The following PRXL2C variants were observed in gnomAD, a reference collection of about 807,000 sequenced individuals.
The protein encoded by PRXL2C is peroxiredoxin-like 2C.
A neutral mutation model predicts 24.9 loss-of-function variants in PRXL2C; 38 were observed. The ratio of observed to expected loss-of-function variants is 1.53; its 90% CI spans 1.18 to 2.00. The LOEUF (loss-of-function observed/expected upper bound fraction) is 2.00. Ranked by LOEUF, PRXL2C falls within the 30% of genes most tolerant of loss-of-function variation. The pLI is 0.00. For synonymous variants in PRXL2C, 98 were observed against 117.2 expected (o/e 0.84, Z 1.06); for missense variants, 294 against 290.9 (o/e 1.01, Z -0.08).
chr9:96,647,286 T>C lies in PRXL2C; in HGVS notation c.422-1262A>G, dbSNP rs1053023896. Among the ~76,000 whole-genome samples, 3 of 152,182 alleles carry C rather than the reference T, an allele frequency of 2.0e-5. No individual in the cohort carries two copies. The South Asian group carries it at 6.2e-4, about 32-fold the overall frequency. ...GAGCAAAGAGACTCAGTCTCTTTAT[T>C]CTTCTTGTAATTAATTTTTCTCCTA... On this transcript the variant is annotated intron_variant, in intron 4 of 5. Coordinates refer to ENST00000375234, the MANE Select transcript of PRXL2C (RefSeq NM_153698.2).
intron 1 of PRXL2C, 55 bp from the exon 2 acceptor site, chr9:96,654,828 C>T: frequency 6.6e-7 from 1 of 1,504,676 alleles, no homozygotes; most frequent in Non-Finnish European, 9.0e-7. Flanking sequence ...CCTCGGGCCC[C>T]GAAGGATCCC....
chr9:96,655,249 A>G lies in PRXL2C; in HGVS notation c.33T>C (p.Val11=). Residue 11 remains valine, a synonymous_variant, in exon 1 of 6, where the codon GTT becomes GTC. Transcript: ENST00000375234. ...CCGGGACCAGGGCGGCGGCGCCGCT[A>G]ACCTGCCGCGTGACCGGGGCCGGCG... MAAPAPVTRQ[V]SGAAALVPAP... 1 of 1,116,792 alleles carries G rather than the reference A, an allele frequency of 9.0e-7. No individual in the cohort carries two copies. Among genetic ancestry groups the G allele is most frequent in the Non-Finnish European group, 1.1e-6 (1 of 915,606 alleles). 69.2% of individuals were successfully genotyped at this position (1,116,792 alleles called of 1,614,324 possible). A position where few individuals can be genotyped will look rare whatever the true frequency, so the allele number is the denominator to read the frequency against.
At chr9:96,652,535 AAAAG>A (rs1476656384) in intron 2 of PRXL2C, among the ~76,000 whole-genome samples, 56 of 152,136 alleles carry the variant, frequency 3.7e-4, no homozygotes, top group Admixed American at 1.2e-3. Flanking sequence ...AAAAAAAAAA[AAAAG>A]AAATAGCCAA....
chr9:96,653,273 T>A (rs1225909291), intron 2 of PRXL2C, among the ~76,000 whole-genome samples: 2 of 150,914 alleles, frequency 1.3e-5, no homozygotes, highest in African/African-American at 2.4e-5. Context: ...CATTTGGTCA[T>A]AAAAAAGAAA....
intron 2 of PRXL2C, 91 bp downstream of exon 2, chr9:96,654,614 T>G: frequency 8.3e-7 from 1 of 1,203,766 alleles, no homozygotes; most frequent in Non-Finnish European, 1.2e-6. Flanking sequence ...CAATCCAGGC[T>G]GCAAGTTCCG....
intron 2 of PRXL2C, among the ~76,000 whole-genome samples, chr9:96,652,954 G>A (rs1005923716): frequency 2.0e-4 from 31 of 152,052 alleles, no homozygotes; most frequent in Non-Finnish European, 1.9e-4. Flanking sequence ...TCGGCCGGGC[G>A]CGGTGGCTCA....
At chr9:96,650,098 A>G (rs73542995) in intron 4 of PRXL2C, among the ~76,000 whole-genome samples, 138 of 152,232 alleles carry the variant, frequency 9.1e-4, no homozygotes, top group African/African-American at 3.2e-3. Flanking sequence ...GCCCTCCCAG[A>G]TCCTACCCCA....
intron 5 of PRXL2C, 101 bp from the exon 6 acceptor site, chr9:96,641,987 GGGAAA>G: frequency 1.9e-6 from 2 of 1,045,076 alleles, no homozygotes; most frequent in Non-Finnish European, 2.6e-6. Flanking sequence ...TTAGTCCAAA[GGGAAA>G]AATTAATTAC....
rs374304392 is a variant in PRXL2C at position 96,645,729 on chromosome 9, A to G, written c.553+164T>C. On this transcript the variant is annotated intron_variant, in intron 5 of 5. Coordinates refer to ENST00000375234, the MANE Select transcript of PRXL2C (RefSeq NM_153698.2). ...GGAGAATGGCGTGAACCCGGGAGGC[A>G]GAGCTTGCAGTGAGCCGAGATTGCG... is the stretch of plus-strand genomic sequence containing the variant. Among the ~76,000 whole-genome samples, 411 of 151,572 alleles carry G rather than the reference A, an allele frequency of 2.7e-3. 4 individuals carry two copies. Among genetic ancestry groups the G allele is most frequent in the African/African-American group, 8.4e-3 (349 of 41,340 alleles).
chr9:96,649,293 G>A (rs1013933342), intron 4 of PRXL2C, among the ~76,000 whole-genome samples: 3 of 150,962 alleles, frequency 2.0e-5, no homozygotes, highest in East Asian at 3.9e-4. Context: ...AGCCGGGTGC[G>A]GTGGCTCATG....
chr9:96,645,218 T>G (rs1233434896), intron 5 of PRXL2C, among the ~76,000 whole-genome samples: 1 of 151,558 alleles, frequency 6.6e-6, no homozygotes, highest in Admixed American at 6.6e-5. Context: ...TGGATTCTTT[T>G]CTTGAAAAAA....
chr9:96,645,136 C>T (rs188838263), intron 5 of PRXL2C, among the ~76,000 whole-genome samples: 99 of 151,428 alleles, frequency 6.5e-4, no homozygotes, highest in Middle Eastern at 3.4e-3. Flanking sequence ...GTCTTGATCT[C>T]CTGACCTCGT....
At chr9:96,649,965 C>A (rs1848248148) in intron 4 of PRXL2C, among the ~76,000 whole-genome samples, 1 of 152,216 alleles carries the variant, frequency 6.6e-6, no homozygotes, top group South Asian at 2.1e-4. Context: ...CTGAAGGAGT[C>A]ATGTTTTCTC....
At chr9:96,654,274 A>G (rs1046849677) in intron 2 of PRXL2C, among the ~76,000 whole-genome samples, 1 of 152,234 alleles carries the variant, frequency 6.6e-6, no homozygotes, top group African/African-American at 2.4e-5. Flanking sequence ...CTGTGCCTCA[A>G]GAAAAACAAC....
At chr9:96,654,892 G>C (rs911060678) in intron 1 of PRXL2C, 119 bp from the exon 2 acceptor site, 4 of 1,195,956 alleles carry the variant, frequency 3.3e-6, no homozygotes, top group South Asian at 1.7e-5. Context: ...GGCCGGGACC[G>C]GCGGCTCGGG....
intron 5 of PRXL2C, among the ~76,000 whole-genome samples, chr9:96,645,156 G>A (rs143770744): frequency 0.044 from 6,678 of 151,296 alleles, 499 homozygotes; most frequent in African/African-American, 0.15. Flanking sequence ...TGATCCGCCC[G>A]CCTTGGCCTC....
chr9:96,645,008 G>A (rs914967246), intron 5 of PRXL2C, among the ~76,000 whole-genome samples: 8 of 136,596 alleles, frequency 5.9e-5, no homozygotes, highest in South Asian at 5.1e-4. Flanking sequence ...CCAGGTTCAC[G>A]CCAGTCTCCT....
chr9:96,653,385 T>C (rs973679041), intron 2 of PRXL2C, among the ~76,000 whole-genome samples: 2 of 152,282 alleles, frequency 1.3e-5, no homozygotes, highest in Middle Eastern at 3.4e-3. Context: ...TGATCTCATT[T>C]ACCTATGGAA....
chr9:96,652,940 G>A (rs544354009), intron 2 of PRXL2C, among the ~76,000 whole-genome samples: 3 of 152,090 alleles, frequency 2.0e-5, no homozygotes, highest in African/African-American at 7.2e-5. Context: ...AAGAAAATGC[G>A]GTATCGGCCG....
Sources: allele counts gnomAD v4.1 joint callset (sites outside exome capture counted in the v4.1 genomes callset), GRCh38; gene constraint gnomAD v4.1.1; transcripts MANE v1.5; gene names NCBI Gene and HGNC (gene_info 2026-07-23, HGNC 2026-07-21).